The following ZMIZ1 variants were observed in gnomAD, a reference collection of about 807,000 sequenced individuals.
ZMIZ1 encodes the protein zinc finger MIZ domain-containing protein 1.
ZMIZ1 carries 17 observed loss-of-function variants against 113.9 expected under a neutral mutation model. That is an observed-to-expected ratio of 0.15 (90% confidence interval 0.10 to 0.22). ZMIZ1 has a LOEUF of 0.22. Among genes scored for constraint, ZMIZ1 ranks in the 10% least tolerant of loss-of-function variants. The probability of loss-of-function intolerance (pLI) is 1.00; values close to 1 mark genes in which losing one functional copy is unlikely to be tolerated. For missense variants in ZMIZ1, 1,059 were observed against 1,477.8 expected (o/e 0.72, Z 4.65); for synonymous variants, 607 against 603.1 (o/e 1.01, Z -0.09).
chr10:79,287,228 T>G (rs1457744253), intron 8 of ZMIZ1, among the ~76,000 whole-genome samples: 1 of 152,202 alleles, frequency 6.6e-6, no homozygotes, highest in East Asian at 1.9e-4. Flanking sequence ...CCAGCCTTCC[T>G]GAGGAGCAGG....
chr10:79,268,352 G>A (rs574803905), intron 7 of ZMIZ1, among the ~76,000 whole-genome samples: 13 of 152,332 alleles, frequency 8.5e-5, no homozygotes, highest in African/African-American at 1.2e-4. Flanking sequence ...GGACACATTC[G>A]TGATGAGATT....
rs1845192356 is a variant in ZMIZ1, at chr10:79,140,061, G to A, written c.-131+284G>A. On this transcript the variant is annotated intron_variant, in intron 3 of 24. Coordinates refer to ENST00000334512, the MANE Select transcript of ZMIZ1 (RefSeq NM_020338.4). ...CAGTTCTCAAGGATTCTGTGAGTCA[G>A]TTGTGTCTGATTTGGTTGAGCCATC... Among the ~76,000 whole-genome samples the A allele has an allele frequency of 2.0e-5, 3 of 152,218 alleles. No individual in the cohort carries two copies. The South Asian group carries it at 6.2e-4, about 32-fold the overall frequency.
chr10:79,108,173 A>G (rs1006806388), intron 1 of ZMIZ1, among the ~76,000 whole-genome samples: 2 of 152,040 alleles, frequency 1.3e-5, no homozygotes, highest in Admixed American at 1.3e-4. Flanking sequence ...TTGTATTATT[A>G]ATAGTCATAA....
intron 8 of ZMIZ1, among the ~76,000 whole-genome samples, chr10:79,279,296 G>A (rs1327562581): frequency 3.3e-5 from 5 of 150,344 alleles, no homozygotes; most frequent in South Asian, 4.2e-4. Flanking sequence ...GGGTGGTGGC[G>A]GGGCAGAGAC....
intron 2 of ZMIZ1, among the ~76,000 whole-genome samples, chr10:79,123,141 C>T (rs2132339710): frequency 6.6e-6 from 1 of 152,306 alleles, no homozygotes. Context: ...AAAGGCTGGC[C>T]ACAGATGAGA....
chr10:79,181,620 G>T (rs576228170), intron 4 of ZMIZ1, among the ~76,000 whole-genome samples: 2 of 152,310 alleles, frequency 1.3e-5, no homozygotes, highest in East Asian at 3.9e-4. Flanking sequence ...CAAACCGTGG[G>T]CAGTGCTCAC....
intron 4 of ZMIZ1, among the ~76,000 whole-genome samples, chr10:79,191,719 T>A (rs940023450): frequency 6.6e-6 from 1 of 152,176 alleles, no homozygotes; most frequent in African/African-American, 2.4e-5. Context: ...ATGGAAAACA[T>A]GATACAGAAA....
chr10:79,071,990 G>A (rs1045729356), intron 1 of ZMIZ1, among the ~76,000 whole-genome samples: 2 of 151,994 alleles, frequency 1.3e-5, no homozygotes, highest in African/African-American at 4.8e-5. Flanking sequence ...GTGGGGGGAG[G>A]AGAAGGGAGC....
chr10:79,229,497 A>C (rs143394901), intron 7 of ZMIZ1, among the ~76,000 whole-genome samples: 258 of 152,332 alleles, frequency 1.7e-3, no homozygotes, highest in African/African-American at 5.8e-3. Flanking sequence ...CAGAGGACCC[A>C]GTCTCACCTG....
chr10:79,279,116 C>T (rs528519243), intron 8 of ZMIZ1, among the ~76,000 whole-genome samples: 260 of 149,692 alleles, frequency 1.7e-3, no homozygotes, highest in Non-Finnish European at 3.2e-3. Context: ...CTGCCCCCCA[C>T]CTCCCGGACG....
chr10:79,114,496 TGTGTGTGTGC>T (rs60180560), intron 1 of ZMIZ1, among the ~76,000 whole-genome samples: 10,255 of 90,544 alleles, frequency 0.11, 481 homozygotes, highest in East Asian at 0.2. Context: ...TGTGTGTGCG[TGTGTGTGTGC>T]GTGTGTGTGT....
intron 3 of ZMIZ1, among the ~76,000 whole-genome samples, chr10:79,159,725 T>A (rs1846032564): frequency 6.6e-6 from 1 of 152,176 alleles, no homozygotes; most frequent in South Asian, 2.1e-4. Flanking sequence ...CTCTCTTTCC[T>A]AGCAGGGTGG....
intron 5 of ZMIZ1, among the ~76,000 whole-genome samples, chr10:79,202,445 T>TA (rs953373463): frequency 6.6e-6 from 1 of 150,618 alleles, no homozygotes; most frequent in African/African-American, 2.4e-5. Flanking sequence ...CTGTATTTTT[T>TA]AAAAAAAGAA....
At position 79,267,876 on chromosome 10, in the gene ZMIZ1, G is replaced by A. The variant is rs78097963; in HGVS notation, c.281-9305G>A. 3.5e-3 allele frequency among the ~76,000 whole-genome samples: 529 copies of A among 152,262 alleles called. 3 individuals are homozygous for A. Among genetic ancestry groups the A allele is most frequent in the African/African-American group, 0.012 (510 of 41,552 alleles). ...GAGATTTGATGAGGAGTCCAGGCCC[G>A]TGTTGACTCAAACCCCTGTGTCTGC... is the stretch of plus-strand genomic sequence containing the variant. On this transcript the variant is annotated intron_variant, in intron 7 of 24. Coordinates refer to ENST00000334512, the MANE Select transcript of ZMIZ1 (RefSeq NM_020338.4).
At position 79,314,392 on chromosome 10, in the gene ZMIZ1, A is replaced by G; in HGVS notation, c.*1643A>G. 1 of 377,744 alleles carries G rather than the reference A, an allele frequency of 2.6e-6. No homozygotes were observed. Among genetic ancestry groups the G allele is most frequent in the Non-Finnish European group, 5.3e-6 (1 of 187,584 alleles). 23.4% of individuals were successfully genotyped at this position (377,744 alleles called of 1,614,324 possible). On this transcript the variant is annotated 3_prime_UTR_variant, in exon 25 of 25. Coordinates refer to ENST00000334512, the MANE Select transcript of ZMIZ1 (RefSeq NM_020338.4). Reference sequence around the variant, plus strand: ...CTCTCCTCTGTGGGTTTTACCGGAAAGGTGGCCCCAGCTGTTGACTTCCAG... The same window carrying G: ...CTCTCCTCTGTGGGTTTTACCGGAAGGGTGGCCCCAGCTGTTGACTTCCAG...
At chr10:79,257,931 A>G (rs1457189199) in intron 7 of ZMIZ1, among the ~76,000 whole-genome samples, 2 of 152,180 alleles carry the variant, frequency 1.3e-5, no homozygotes, top group Non-Finnish European at 2.9e-5. Context: ...GCTTTTGTTG[A>G]GCATTTGTCA....
chr10:79,160,396 G>A (rs1047581720), intron 3 of ZMIZ1, among the ~76,000 whole-genome samples: 4 of 152,238 alleles, frequency 2.6e-5, no homozygotes, highest in African/African-American at 9.6e-5. Flanking sequence ...CCCAGCACCA[G>A]CCCCCACGGG....
intron 3 of ZMIZ1, among the ~76,000 whole-genome samples, chr10:79,150,110 C>G (rs983679579): frequency 6.6e-5 from 10 of 152,164 alleles, no homozygotes; most frequent in African/African-American, 2.4e-4. Context: ...GAGGATGGGG[C>G]TCAGGGTGGC....
In ZMIZ1 at chr10:79,240,239, C is replaced by T. The variant is rs544687459; in HGVS notation, c.280+23965C>T. 9.8e-5 allele frequency among the ~76,000 whole-genome samples: 15 copies of T among 152,376 alleles called. No homozygotes were observed. The East Asian group carries it at 2.7e-3, about 27-fold the overall frequency. On this transcript the variant is annotated intron_variant, in intron 7 of 24. Coordinates refer to ENST00000334512, the MANE Select transcript of ZMIZ1 (RefSeq NM_020338.4). The stretch of plus-strand genomic sequence containing the variant: ...TTCCCCTGGGGCTATGCCCCCCTTG[C>T]CGAGGTCACTCAGAGAGCTCACCAA...
Sources: allele counts gnomAD v4.1 joint callset (sites outside exome capture counted in the v4.1 genomes callset), GRCh38; gene constraint gnomAD v4.1.1; transcripts MANE v1.5; gene names NCBI Gene and HGNC (gene_info 2026-07-23, HGNC 2026-07-21).